DIP2C: variants seen among roughly 807,000 people sequenced by gnomAD.
DIP2C encodes the protein disco-interacting protein 2 homolog C.
Under a neutral mutation model 192.4 loss-of-function variants are expected in DIP2C, and 33 were observed. The ratio of observed to expected loss-of-function variants is 0.17; its 90% CI spans 0.13 to 0.23. The LOEUF is 0.23. Ranked by LOEUF, DIP2C falls within the 10% of genes least tolerant of loss-of-function variation. The pLI is 1.00. For missense variants in DIP2C, 1,537 were observed against 2,110.1 expected, an observed-to-expected ratio of 0.73 and a Z score of 5.32; for synonymous variants, 979 against 864.1, an observed-to-expected ratio of 1.13 and a Z score of -2.33.
At chr10:437,078 GCTCT>G (rs1356283285) in intron 4 of DIP2C, among the ~76,000 whole-genome samples, 123 of 134,902 alleles carry the variant, frequency 9.1e-4, no homozygotes, top group Middle Eastern at 6.6e-3. Context: ...CCACACCTGA[GCTCT>G]CTCTGAGCTC....
At chr10:518,934 A>C (rs1379072783) in intron 1 of DIP2C, among the ~76,000 whole-genome samples, 1 of 152,196 alleles carries the variant, frequency 6.6e-6, no homozygotes, top group African/African-American at 2.4e-5. Flanking sequence ...AACTTTGCCC[A>C]CTTCCATGGT....
chr10:355,431 A>G, intron 24 of DIP2C, among the ~76,000 whole-genome samples: 1 of 152,250 alleles, frequency 6.6e-6, no homozygotes, highest in East Asian at 1.9e-4. Context: ...TTTGTCTTCA[A>G]TCTGCTGCTT....
At chr10:656,506 T>C (rs968737584) in intron 1 of DIP2C, among the ~76,000 whole-genome samples, 1 of 152,362 alleles carries the variant, frequency 6.6e-6, no homozygotes, top group Admixed American at 6.5e-5. Flanking sequence ...AATGTGATGT[T>C]TTACTATGCC....
chr10:283,157 C>G, intron 35 of DIP2C, 115 bp downstream of exon 35: 1 of 1,384,012 alleles, frequency 7.2e-7, no homozygotes, highest in Admixed American at 2.2e-5. Flanking sequence ...TTGTAGCTAG[C>G]ACACGTGCCC....
At chr10:675,921 C>A (rs888534149) in intron 1 of DIP2C, among the ~76,000 whole-genome samples, 1 of 152,184 alleles carries the variant, frequency 6.6e-6, no homozygotes, top group African/African-American at 2.4e-5. Context: ...TCAAGGCCAG[C>A]ATTACCCTGA....
At chr10:350,791 T>G (rs906598203) in intron 24 of DIP2C, among the ~76,000 whole-genome samples, 1 of 152,040 alleles carries the variant, frequency 6.6e-6, no homozygotes, top group Non-Finnish European at 1.5e-5. Flanking sequence ...GGACTACAGA[T>G]GCACACCAAC....
At chr10:329,230 C>T (rs571423068) in intron 30 of DIP2C, among the ~76,000 whole-genome samples, 3 of 152,286 alleles carry the variant, frequency 2.0e-5, no homozygotes, top group South Asian at 2.1e-4. Context: ...CATTCTGGTT[C>T]GTTACTGTCT....
chr10:326,881 G>T, intron 31 of DIP2C, 125 bp downstream of exon 31: 1 of 1,178,108 alleles, frequency 8.5e-7, no homozygotes, highest in Non-Finnish European at 1.2e-6. Context: ...GCATGCGTGT[G>T]ACTGAAAGAT....
At position 524,947 on chromosome 10, in the gene DIP2C, G is replaced by A. The variant is rs77628461; in HGVS notation, c.86-38417C>T. On this transcript the variant is annotated intron_variant, in intron 1 of 36. Coordinates refer to ENST00000280886, the MANE Select transcript of DIP2C (RefSeq NM_014974.3). The stretch of plus-strand genomic sequence containing the variant: ...TCAGAGGAGATGGTCTAGACACACA[G>A]TTTAAGACAATCACAATTTCAAAAA... Among the ~76,000 whole-genome samples the A allele has an allele frequency of 1.2e-3, 118 of 95,668 alleles. 5 individuals carry two copies. In the East Asian group the frequency reaches 0.04, roughly 32 times the overall value. The allele number at this position is 95,668 out of a possible 152,430, so 62.8% of individuals were successfully genotyped here.
intron 1 of DIP2C, among the ~76,000 whole-genome samples, chr10:558,799 G>A (rs1345705960): frequency 2.6e-5 from 4 of 152,098 alleles, no homozygotes; most frequent in African/African-American, 7.2e-5. Context: ...AGTTAACAGA[G>A]GCAACACAGG....
intron 32 of DIP2C, among the ~76,000 whole-genome samples, chr10:301,882 A>G (rs560086195): frequency 3.2e-4 from 48 of 152,330 alleles, no homozygotes; most frequent in African/African-American, 1.1e-3. Context: ...AAAGCCTCGC[A>G]GGAGATTGTG....
intron 1 of DIP2C, among the ~76,000 whole-genome samples, chr10:527,156 ACT>A (rs1257902441): frequency 6.6e-6 from 1 of 152,092 alleles, no homozygotes; most frequent in Non-Finnish European, 1.5e-5. Context: ...CCGGTTCATA[ACT>A]CAGCTCACAA....
intron 4 of DIP2C, among the ~76,000 whole-genome samples, chr10:424,355 G>GTTTTTTTT (rs557255878): frequency 6.0e-5 from 5 of 83,122 alleles, no homozygotes; most frequent in African/African-American, 1.8e-4. Context: ...ATCACCTTGG[G>GTTTTTTTT]TTTTTTTTTT....
chr10:305,752 C>T (rs2132294404), intron 32 of DIP2C, among the ~76,000 whole-genome samples: 1 of 152,186 alleles, frequency 6.6e-6, no homozygotes, highest in South Asian at 2.1e-4. Context: ...TCAAGCAGTC[C>T]TCCCACCTCA....
At chr10:430,006 T>C (rs1467778151) in intron 4 of DIP2C, among the ~76,000 whole-genome samples, 1 of 152,324 alleles carries the variant, frequency 6.6e-6, no homozygotes, top group East Asian at 1.9e-4. Flanking sequence ...AGACCAGCAA[T>C]GAATGAGAGA....
At chr10:422,154 T>C (rs1171658956) in intron 5 of DIP2C, among the ~76,000 whole-genome samples, 1 of 152,218 alleles carries the variant, frequency 6.6e-6, no homozygotes, top group Admixed American at 6.5e-5. Flanking sequence ...GTTACTGCTT[T>C]AATGGAGACA....
chr10:311,626 A>AACAC (rs1454411945), intron 31 of DIP2C: 1 of 1,195,696 alleles, frequency 8.4e-7, no homozygotes, highest in African/African-American at 1.6e-5. Flanking sequence ...AACAGAAACC[A>AACAC]ACACACACAA....
rs1008412101 is a variant in DIP2C at position 524,104 on chromosome 10, AG to A, written c.86-37575del. ...CCAGCCGTGACTGGAGCACCCCTTC[AG>A]GAAGGAGTCCCTGGCTCCAGGCCCT... On this transcript the variant is annotated intron_variant, in intron 1 of 36. Transcript: ENST00000280886. Among the ~76,000 whole-genome samples, 5 of 2,758 alleles carry A rather than the reference AG, an allele frequency of 1.8e-3. No individual in the cohort carries two copies. The Non-Finnish European group carries it at 0.027, about 15-fold the overall frequency. 1.8% of individuals were successfully genotyped at this position (2,758 alleles called of 152,430 possible).
chr10:533,930 A>T (rs1272144531), intron 1 of DIP2C, among the ~76,000 whole-genome samples: 1 of 152,064 alleles, frequency 6.6e-6, no homozygotes, highest in African/African-American at 2.4e-5. Flanking sequence ...TGCAGGTATA[A>T]TAATGAAATC....
Sources: allele counts gnomAD v4.1 joint callset (sites outside exome capture counted in the v4.1 genomes callset), GRCh38; gene constraint gnomAD v4.1.1; transcripts MANE v1.5; gene names NCBI Gene and HGNC (gene_info 2026-07-23, HGNC 2026-07-21).